The following NSD2 variants were observed in gnomAD, a reference collection of about 807,000 sequenced individuals.
NSD2 encodes histone-lysine N-methyltransferase NSD2.
In NSD2, 12 loss-of-function variants were observed where a neutral mutation model predicts 139.0. The observed-to-expected ratio is 0.09, with a 90% confidence interval of 0.06 to 0.14. The LOEUF is 0.14. Among genes scored for constraint, NSD2 ranks in the 10% least tolerant of loss-of-function variants. The pLI, the probability that NSD2 is intolerant of heterozygous loss-of-function variation, is 1.00. For synonymous variants in NSD2, 669 were observed against 648.7 expected, an observed-to-expected ratio of 1.03 and a Z score of -0.48; for missense variants, 1,155 against 1,745.0, an observed-to-expected ratio of 0.66 and a Z score of 6.02.
At chr4:1,927,800 C>CT (rs1721136560) in intron 5 of NSD2, among the ~76,000 whole-genome samples, 1 of 143,660 alleles carries the variant, frequency 7.0e-6, no homozygotes, top group South Asian at 2.4e-4. Context: ...TCTGAAGACT[C>CT]TAATTTGTAG....
intron 10 of NSD2, among the ~76,000 whole-genome samples, chr4:1,951,672 G>T (rs1249577100): frequency 1.3e-5 from 2 of 152,208 alleles, no homozygotes; most frequent in African/African-American, 4.8e-5. Context: ...TACACTCTGT[G>T]CTTCAGTCCC....
chr4:1,881,037 C>A (rs1714658700), intron 1 of NSD2, among the ~76,000 whole-genome samples: 1 of 152,114 alleles, frequency 6.6e-6, no homozygotes, highest in Non-Finnish European at 1.5e-5. Context: ...GGTACATCAT[C>A]TAGGGTTTGT....
At position 1,975,379 on chromosome 4, in the gene NSD2, A is replaced by C. The variant is rs1165629808; in HGVS notation, c.3600A>C (p.Gly1200=). 6.2e-7 allele frequency: 1 copy of C among 1,614,036 alleles called. No homozygotes were observed. The highest frequency in any genetic ancestry group is 1.1e-5 in the South Asian group (1 of 91,088). The change falls in exon 20 of 22, where the codon GGA becomes GGC. Residue 1200 remains glycine, a synonymous_variant. Coordinates refer to ENST00000508803, the MANE Select transcript of NSD2 (RefSeq NM_001042424.3). ...GGTGTGGAGCCTCCAATTGCAGTGG[A>C]TTCCTCGGGGATAGACCAAAGGTAA... is the stretch of plus-strand genomic sequence containing the variant. ...VCRCGASNCS[G]FLGDRPKTST...
chr4:1,898,585 G>T (rs530158472), intron 1 of NSD2, among the ~76,000 whole-genome samples: 1 of 151,690 alleles, frequency 6.6e-6, no homozygotes, highest in Non-Finnish European at 1.5e-5. Flanking sequence ...AATTGAACCC[G>T]GGAGGTGGAG....
chr4:1,873,903 G>A (rs1714058422), intron 1 of NSD2, among the ~76,000 whole-genome samples: 2 of 152,126 alleles, frequency 1.3e-5, no homozygotes, highest in Admixed American at 1.3e-4. Flanking sequence ...AGGCTTGAGT[G>A]CAGTGGCTAT....
In NSD2 at chr4:1,981,851, T is replaced by A. The variant is rs1727797121; in HGVS notation, c.*2942T>A. The A allele has an allele frequency of 2.6e-6, 1 of 391,072 alleles. No homozygotes were observed. The allele number at this position is 391,072 out of a possible 1,614,324, so 24.2% of individuals were successfully genotyped here. On this transcript the variant is annotated 3_prime_UTR_variant, in exon 22 of 22. Coordinates refer to ENST00000508803, the MANE Select transcript of NSD2 (RefSeq NM_001042424.3). ...CCTATGAGTGTAGTTGATGACTGTT[T>A]GTTAGTCAGTAGAGTAAAATGCTGT...
chr4:1,922,286 A>G (rs761025711), intron 5 of NSD2, among the ~76,000 whole-genome samples: 1 of 152,248 alleles, frequency 6.6e-6, no homozygotes, highest in Non-Finnish European at 1.5e-5. Context: ...TTAACATACA[A>G]GTGCAGCATC....
At chr4:1,944,632 A>T in intron 9 of NSD2, 1 of 1,063,302 alleles carries the variant, frequency 9.4e-7, no homozygotes, top group Non-Finnish European at 1.1e-6. Context: ...TAAAAACGTA[A>T]GTACTCCATT....
chr4:1,944,146 A>G, intron 9 of NSD2: 1 of 1,066,100 alleles, frequency 9.4e-7, no homozygotes, highest in Non-Finnish European at 1.1e-6. Flanking sequence ...AAGTGAACTC[A>G]GCACTCTGCA....
intron 9 of NSD2, chr4:1,944,632 A>G (rs1442185641): frequency 1.9e-6 from 2 of 1,063,184 alleles, no homozygotes; most frequent in African/African-American, 1.6e-5. Flanking sequence ...TAAAAACGTA[A>G]GTACTCCATT....
chr4:1,949,303 A>G (rs1187837082), intron 9 of NSD2, among the ~76,000 whole-genome samples: 4 of 152,224 alleles, frequency 2.6e-5, no homozygotes, highest in African/African-American at 4.8e-5. Flanking sequence ...ATTAGTGTTC[A>G]TGACGCTAGT....
At chr4:1,887,501 G>C (rs1322544383) in intron 1 of NSD2, 1 of 152,050 alleles carries the variant, frequency 6.6e-6, no homozygotes, top group Admixed American at 6.6e-5. Flanking sequence ...TTATTGGTGA[G>C]GTCTTGCTCC....
chr4:1,928,742 G>A (rs1322394006), intron 5 of NSD2, among the ~76,000 whole-genome samples: 3 of 152,096 alleles, frequency 2.0e-5, no homozygotes, highest in Admixed American at 6.5e-5. Context: ...GGTGCCAGGG[G>A]CAGAGGTGGG....
intron 9 of NSD2, chr4:1,945,847 T>C (rs1269445166): frequency 1.9e-6 from 2 of 1,062,528 alleles, no homozygotes; most frequent in Non-Finnish European, 2.3e-6. Context: ...TAGCGGTAGA[T>C]GAAAAATAAG....
chr4:1,904,891 G>A (rs1035170139), intron 3 of NSD2, among the ~76,000 whole-genome samples: 1 of 152,218 alleles, frequency 6.6e-6, no homozygotes, highest in South Asian at 2.1e-4. Flanking sequence ...AACACTTTGG[G>A]AGGCCGAGGT....
At chr4:1,892,445 G>A (rs886407244) in intron 1 of NSD2, among the ~76,000 whole-genome samples, 1 of 152,126 alleles carries the variant, frequency 6.6e-6, no homozygotes, top group African/African-American at 2.4e-5. Context: ...AGGTAATACT[G>A]TATATATTCC....
In NSD2 at chr4:1,955,792, G is replaced by A. The variant is rs1341691783; in HGVS notation, c.2618G>A (p.Arg873Lys). The change falls in exon 14 of 22, where the codon AGG becomes AAG. Residue 873 changes from arginine (R) to lysine (K), a missense_variant. Physicochemically the swap from Arg to Lys is conservative, Grantham distance 26. Around this residue, in one of 8 missense-constraint regions of NSD2, gnomAD observed 139 missense variants for 485.8 expected, o/e 0.29. Transcript: ENST00000508803. This position sits in a 1 kb window ranked among gnomAD's most constrained non-coding sequence, Gnocchi z 4.7. Reference sequence around the variant, plus strand: ...GGCAGCTGGTTCTGCAATGACTGCAGGGCTGGGAAGAAGCTGCACTTCCAG... The same window carrying A: ...GGCAGCTGGTTCTGCAATGACTGCAAGGCTGGGAAGAAGCTGCACTTCCAG... ...PDGSWFCNDC[R>K]AGKKLHFQDI... is the part of the protein sequence containing the mutation. 1 of 1,614,246 alleles carries A rather than the reference G, an allele frequency of 6.2e-7. No homozygotes were observed. The highest frequency in any genetic ancestry group is 8.5e-7 in the Non-Finnish European group (1 of 1,180,046).
Position 1,973,494 on chromosome 4 carries a change from G to A in NSD2, c.3373-1369G>A, listed in dbSNP as rs984090679. Among the ~76,000 whole-genome samples, 9 of 152,252 alleles carry A rather than the reference G, an allele frequency of 5.9e-5. No individual in the cohort carries two copies. The highest frequency in any genetic ancestry group is 2.2e-4 in the African/African-American group (9 of 41,470). On this transcript the variant is annotated intron_variant, in intron 18 of 21. Transcript: ENST00000508803. This position sits in a 1 kb window ranked among gnomAD's most constrained non-coding sequence, Gnocchi z 5.5. The stretch of plus-strand genomic sequence containing the variant: ...GACAAAGCATCTGCAGAGGGCAGAT[G>A]AGCACCCCCACTTCTGTGTTGAAGA...
At chr4:1,919,815 A>C (rs1052589532) in intron 5 of NSD2, among the ~76,000 whole-genome samples, 3 of 152,136 alleles carry the variant, frequency 2.0e-5, no homozygotes, top group Non-Finnish European at 4.4e-5. Flanking sequence ...GCGTGCTTGT[A>C]ATCCCAGCTT....
Sources: gnomAD v4.1 joint callset for allele counts (sites outside exome capture counted in the v4.1 genomes callset) on GRCh38, gnomAD v4.1.1 for gene constraint, gnomAD v4.1.1 regional missense constraint, Gnocchi (gnomAD v3.1) non-coding constraint, MANE v1.5 for transcripts, NCBI Gene and HGNC (gene_info 2026-07-23, HGNC 2026-07-21) for gene names.